TULP3: variants seen among roughly 807,000 people sequenced by gnomAD.
TULP3 encodes TUB like protein 3, also known as tubby-related protein 3.
A neutral mutation model predicts 50.7 loss-of-function variants in TULP3; 38 were observed. That is an observed-to-expected ratio of 0.75 (90% CI 0.58 to 0.98). The LOEUF is 0.98. TULP3 is among the 50% of genes least tolerant of loss of function. The probability of loss-of-function intolerance (pLI) is 0.00; values close to 1 mark genes in which losing one functional copy is unlikely to be tolerated. For missense variants in TULP3, 550 were observed against 568.0 expected, an observed-to-expected ratio of 0.97 and a Z score of 0.32; for synonymous variants, 183 against 196.6, an observed-to-expected ratio of 0.93 and a Z score of 0.58.
At position 2,922,398 on chromosome 12, in the gene TULP3, G is replaced by T. The variant is rs753081065; in HGVS notation, c.390G>T (p.Lys130Asn). ...SKPGLQERLQ[K>N]HDISESVNFD... is the part of the protein sequence containing the mutation. ...CAGGACTTCAGGAGCGTCTCCAAAA[G>T]CATGGTGAGGACTGGTAATGATTTT... Residue 130 changes from lysine (K) to asparagine (N), a missense_variant, in exon 4 of 11, where the codon AAG (lysine) becomes AAT (asparagine). Physicochemically the swap from Lys to Asn is moderately conservative, Grantham distance 94. Transcript: ENST00000448120. The T allele has an allele frequency of 2.5e-6, 4 of 1,611,834 alleles. No individual in the cohort carries two copies. Among genetic ancestry groups the T allele is most frequent in the Non-Finnish European group, 3.4e-6 (4 of 1,179,562 alleles).
chr12:2,904,306 TATC>T (rs2098180992), intron 1 of TULP3, among the ~76,000 whole-genome samples: 1 of 152,166 alleles, frequency 6.6e-6, no homozygotes, highest in African/African-American at 2.4e-5. Flanking sequence ...GCCTTGTAGT[TATC>T]TTCAGTTAGT....
chr12:2,939,439 G>A lies in TULP3; in HGVS notation c.1324G>A (p.Glu442Lys). The change falls in exon 11 of 11, where the codon GAA (glutamate) becomes AAA (lysine). Residue 442 changes from glutamate (E) to lysine (K), a missense_variant. Glu to Lys is a moderately conservative substitution (Grantham distance 56, BLOSUM62 1). Transcript: ENST00000448120. This position sits in a 1 kb window ranked among gnomAD's most constrained non-coding sequence, Gnocchi z 4.0. ...TAGCTTTGACAGTAAGCTGGCGTGT[G>A]AATGAGAGAACAGTCAGGCAGGGAG... ...LSSFDSKLAC[E>K] 6.2e-7 allele frequency: 1 copy of A among 1,614,114 alleles called. No individual in the cohort carries two copies. The highest frequency in any genetic ancestry group is 8.5e-7 in the Non-Finnish European group (1 of 1,180,008).
rs1347475152 is a variant in TULP3 at position 2,939,395 on chromosome 12, C to A, written c.1280C>A (p.Ala427Asp). The A allele has an allele frequency of 6.2e-7, 1 of 1,614,174 alleles. No homozygotes were observed. The highest frequency in any genetic ancestry group is 2.2e-5 in the East Asian group (1 of 44,876). ...DYNYPLCAVQAFGIGLSSFDS... is the reference protein window; with the variant it reads ...DYNYPLCAVQDFGIGLSSFDS... ...AACTACCCACTTTGTGCAGTACAGG[C>A]CTTTGGCATCGGTCTTTCTAGCTTT... The change falls in exon 11 of 11, where the codon GCC becomes GAC. Residue 427 changes from alanine to aspartate, a missense_variant. Physicochemically the swap from Ala to Asp is moderately radical, Grantham distance 126 (BLOSUM62 -2). Coordinates refer to ENST00000448120, the MANE Select transcript of TULP3 (RefSeq NM_003324.5). This position sits in a 1 kb window ranked among gnomAD's most constrained non-coding sequence, Gnocchi z 4.0.
intron 6 of TULP3, 26 bp downstream of exon 6, chr12:2,931,266 C>T (rs1436151050): frequency 6.2e-7 from 1 of 1,607,000 alleles, no homozygotes; most frequent in East Asian, 2.2e-5. Flanking sequence ...TCTAAGAAAA[C>T]TCTTGAGAGA....
intron 2 of TULP3, among the ~76,000 whole-genome samples, chr12:2,911,186 T>C (rs2098185248): frequency 6.6e-6 from 1 of 152,262 alleles, no homozygotes; most frequent in South Asian, 2.1e-4. Flanking sequence ...TTTGTAAGCC[T>C]TTTTGTAGCA....
intron 1 of TULP3, among the ~76,000 whole-genome samples, chr12:2,895,898 G>C (rs1054061773): frequency 4.9e-5 from 6 of 121,812 alleles, no homozygotes; most frequent in Non-Finnish European, 1.0e-4. Flanking sequence ...GAACACACTG[G>C]TAAGTATTAG....
At chr12:2,933,020 G>A (rs1487397432) in intron 6 of TULP3, among the ~76,000 whole-genome samples, 1 of 151,632 alleles carries the variant, frequency 6.6e-6, no homozygotes, top group Non-Finnish European at 1.5e-5. Flanking sequence ...TCGGCTCACT[G>A]CAAGCTCCGC....
Position 2,934,503 on chromosome 12 carries a change from A to C in TULP3, c.866A>C (p.Lys289Thr). The C allele has an allele frequency of 6.2e-7, 1 of 1,605,010 alleles. No homozygotes were observed. Among genetic ancestry groups the C allele is most frequent in the Middle Eastern group, 1.7e-4 (1 of 6,036 alleles). ...TATGACCGTGGCATCTGCCCCATGA[A>C]GGGCCGGGGTTTGGTAGGAGCGGCC... is the stretch of plus-strand genomic sequence containing the variant. The part of the protein sequence containing the change: ...TVYDRGICPM[K>T]GRGLVGAAHT... Residue 289 changes from lysine to threonine, a missense_variant, in exon 8 of 11, where the codon AAG (lysine) becomes ACG (threonine). Transcript: ENST00000448120.
At chr12:2,930,199 C>G in intron 4 of TULP3, 49 bp from the exon 5 acceptor site, 1 of 1,291,546 alleles carries the variant, frequency 7.7e-7, no homozygotes, top group Non-Finnish European at 1.1e-6. Flanking sequence ...TTTCAAAGAC[C>G]TTTTTTAAAC....
chr12:2,892,897 G>GTTTTTTTTTTTTT, intron 1 of TULP3, among the ~76,000 whole-genome samples: 1 of 149,570 alleles, frequency 6.7e-6, no homozygotes. Flanking sequence ...TTGAGACAGG[G>GTTTTTTTTTTTTT]TCTCACTCTG....
intron 8 of TULP3, among the ~76,000 whole-genome samples, chr12:2,937,068 T>C (rs2098201680): frequency 6.6e-6 from 1 of 150,792 alleles, no homozygotes; most frequent in African/African-American, 2.4e-5. Context: ...ATTGTGCCAC[T>C]GCACTCCAGC....
intron 2 of TULP3, among the ~76,000 whole-genome samples, chr12:2,916,124 C>T (rs764856990): frequency 8.5e-5 from 13 of 152,186 alleles, no homozygotes; most frequent in Non-Finnish European, 1.9e-4. Flanking sequence ...ATTCTCCTGC[C>T]TCAGCCTCCC....
chr12:2,930,096 A>G (rs2098197056), intron 4 of TULP3, 152 bp from the exon 5 acceptor site: 1 of 579,062 alleles, frequency 1.7e-6, no homozygotes, highest in Admixed American at 3.2e-5. Context: ...TGTCTCTATG[A>G]ATTTGCCTGT....
intron 2 of TULP3, among the ~76,000 whole-genome samples, chr12:2,912,740 C>G (rs910913123): frequency 5.9e-5 from 9 of 152,140 alleles, no homozygotes; most frequent in African/African-American, 1.7e-4. Context: ...GTAGAAATAT[C>G]TGTGGGAAGT....
rs2098203144 is a variant in TULP3 at position 2,939,040 on chromosome 12, A to C, written c.1196-271A>C. The stretch of plus-strand genomic sequence containing the variant: ...CTAGGTGTTTGAGACCAGCTTGAGC[A>C]ACATAGTGAGACCCTATCTTCACAA... On this transcript the variant is annotated intron_variant, in intron 10 of 10. Coordinates refer to ENST00000448120, the MANE Select transcript of TULP3 (RefSeq NM_003324.5). This position sits in a 1 kb window ranked among gnomAD's most constrained non-coding sequence, Gnocchi z 4.0. Among the ~76,000 whole-genome samples the C allele has an allele frequency of 6.6e-6, 1 of 151,998 alleles. No individual in the cohort carries two copies.
At chr12:2,901,356 C>G (rs2098179190) in intron 1 of TULP3, among the ~76,000 whole-genome samples, 1 of 142,268 alleles carries the variant, frequency 7.0e-6, no homozygotes, top group Non-Finnish European at 1.5e-5. Flanking sequence ...CTTATATTGC[C>G]TAGGCTTTTT....
chr12:2,895,453 C>T (rs2098175006), intron 1 of TULP3, among the ~76,000 whole-genome samples: 1 of 152,176 alleles, frequency 6.6e-6, no homozygotes, highest in Admixed American at 6.5e-5. Context: ...TCTGACACTT[C>T]TCATATGACC....
chr12:2,902,176 C>G (rs1228931996), intron 1 of TULP3, among the ~76,000 whole-genome samples: 2 of 152,152 alleles, frequency 1.3e-5, no homozygotes, highest in Non-Finnish European at 2.9e-5. Context: ...ATGAATTTCT[C>G]TAAATTGCCA....
rs1336691391 is a variant in TULP3 at position 2,931,123 on chromosome 12, T to C, written c.579T>C (p.Tyr193=). ...TAGACGACCTGGAGGACTTTGTGTATAGTCCTGCCCCTCAAGGTGTCACAG... is the reference window on the plus strand; with the variant it reads ...TAGACGACCTGGAGGACTTTGTGTACAGTCCTGCCCCTCAAGGTGTCACAG... ...GDIDDLEDFV[Y]SPAPQGVTVR... Residue 193 remains tyrosine (Y), a synonymous_variant, in exon 6 of 11, where the codon TAT becomes TAC. Coordinates refer to ENST00000448120, the MANE Select transcript of TULP3 (RefSeq NM_003324.5). The C allele has an allele frequency of 1.2e-5, 19 of 1,614,170 alleles. No individual in the cohort carries two copies. The highest frequency in any genetic ancestry group is 1.6e-5 in the Non-Finnish European group (19 of 1,180,034).
Sources: gnomAD v4.1 joint callset for allele counts (sites outside exome capture counted in the v4.1 genomes callset) on GRCh38, gnomAD v4.1.1 for gene constraint, Gnocchi (gnomAD v3.1) non-coding constraint, MANE v1.5 for transcripts, NCBI Gene and HGNC (gene_info 2026-07-23, HGNC 2026-07-21) for gene names.